PRTG: variants seen among roughly 807,000 people sequenced by gnomAD.
PRTG encodes immunoglobulin superfamily, DCC subclass, member 5.
In PRTG, 67 loss-of-function variants were observed where a neutral mutation model predicts 122.5. That is an observed-to-expected ratio of 0.55 (90% CI 0.45 to 0.67). The LOEUF is 0.67. PRTG is among the 30% of genes least tolerant of loss of function. The probability of loss-of-function intolerance (pLI) is 0.00; values close to 1 mark genes in which losing one functional copy is unlikely to be tolerated. For synonymous variants in PRTG, 554 were observed against 501.1 expected (o/e 1.11, Z -1.41); for missense variants, 1,435 against 1,415.4 (o/e 1.01, Z -0.22).
chr15:55,619,790 CA>C lies in PRTG; in HGVS notation c.*221del. 2 of 644,562 alleles carry C rather than the reference CA, an allele frequency of 3.1e-6. No homozygotes were observed. The highest frequency in any genetic ancestry group is 2.4e-6 in the Non-Finnish European group (1 of 409,496). 39.9% of individuals were successfully genotyped at this position (644,562 alleles called of 1,614,324 possible). A position where few individuals can be genotyped will look rare whatever the true frequency, so the allele number is the denominator to read the frequency against. Reference sequence around the variant, plus strand: ...CCCCATAAAGATATTAAGATTTTCACAAAAGGCTTTGGTTCCCTGTTCATTG... The same window carrying C: ...CCCCATAAAGATATTAAGATTTTCACAAAGGCTTTGGTTCCCTGTTCATTG... On this transcript the variant is annotated 3_prime_UTR_variant, in exon 20 of 20. Coordinates refer to ENST00000389286, the MANE Select transcript of PRTG (RefSeq NM_173814.6).
In PRTG at chr15:55,616,589, G is replaced by A. The variant is rs1173104269; in HGVS notation, c.*3423C>T. The A allele has an allele frequency of 6.6e-6, 1 of 152,104 alleles. No individual in the cohort carries two copies. The highest frequency in any genetic ancestry group is 1.5e-5 in the Non-Finnish European group (1 of 67,988). 9.4% of individuals were successfully genotyped at this position (152,104 alleles called of 1,614,324 possible). ...CACAGATTAAATGGAAAGTCCTCAT[G>A]CATGTTATTTGTATACAGACTGTGT... On this transcript the variant is annotated 3_prime_UTR_variant, in exon 20 of 20. Coordinates refer to ENST00000389286, the MANE Select transcript of PRTG (RefSeq NM_173814.6).
intron 2 of PRTG, among the ~76,000 whole-genome samples, chr15:55,702,714 T>A (rs2029938412): frequency 6.6e-6 from 1 of 152,158 alleles, no homozygotes; most frequent in Non-Finnish European, 1.5e-5. Flanking sequence ...TTCCTATTCT[T>A]CTACCTATGG....
intron 11 of PRTG, among the ~76,000 whole-genome samples, chr15:55,653,719 C>A (rs1677139951): frequency 6.6e-6 from 1 of 152,186 alleles, no homozygotes; most frequent in Admixed American, 6.5e-5. Context: ...CCGCCTTGGC[C>A]TCCCAAAGTG....
chr15:55,620,385 G>A, intron 19 of PRTG, 119 bp from the exon 20 acceptor site: 1 of 1,499,304 alleles, frequency 6.7e-7, no homozygotes, highest in Non-Finnish European at 8.8e-7. Flanking sequence ...GGCAAGCGAA[G>A]TGTCAAAAGC....
At chr15:55,671,896 A>G (rs540404588) in intron 11 of PRTG, among the ~76,000 whole-genome samples, 2 of 152,326 alleles carry the variant, frequency 1.3e-5, no homozygotes, top group South Asian at 2.1e-4. Flanking sequence ...TAGGGAATAA[A>G]ACAATGTCTT....
At chr15:55,737,242 T>C (rs1271286530) in intron 2 of PRTG, among the ~76,000 whole-genome samples, 1 of 152,238 alleles carries the variant, frequency 6.6e-6, no homozygotes, top group Non-Finnish European at 1.5e-5. Flanking sequence ...CCTCTTTCTA[T>C]TCCAATTACA....
chr15:55,741,432 T>C (rs1475132637), intron 1 of PRTG, among the ~76,000 whole-genome samples: 1 of 152,216 alleles, frequency 6.6e-6, no homozygotes, highest in Non-Finnish European at 1.5e-5. Context: ...CCTTACTGTC[T>C]AATAGGGATA....
In PRTG at chr15:55,673,566, G is replaced by A. The variant is rs751692913; in HGVS notation, c.1657C>T (p.Arg553Cys). The change falls in exon 10 of 20, where the codon CGC (arginine) becomes TGC (cysteine). Residue 553 changes from arginine to cysteine, a missense_variant. Transcript: ENST00000389286. Reference sequence around the variant, plus strand: ...TCAGTACTTAGGCGGAAAGACAAGCGATACAGCACCACTTGGCCCCGCCGA... The same window carrying A: ...TCAGTACTTAGGCGGAAAGACAAGCAATACAGCACCACTTGGCCCCGCCGA... ...KYRRGQVVLYRLSFRLSTENS... is the reference protein window; with the variant it reads ...KYRRGQVVLYCLSFRLSTENS... 9.3e-6 allele frequency: 15 copies of A among 1,614,042 alleles called. No individual in the cohort carries two copies. Among genetic ancestry groups the A allele is most frequent in the Non-Finnish European group, 1.2e-5 (14 of 1,180,036 alleles).
intron 6 of PRTG, chr15:55,679,656 C>T (rs1181204432): frequency 2.0e-6 from 1 of 493,484 alleles, no homozygotes; most frequent in Non-Finnish European, 3.6e-6. Flanking sequence ...TTCAGAGCAT[C>T]TATATAGACA....
chr15:55,646,321 A>C (rs1183203247), intron 11 of PRTG, among the ~76,000 whole-genome samples: 2 of 133,038 alleles, frequency 1.5e-5, no homozygotes, highest in Admixed American at 7.8e-5. Flanking sequence ...CTCACTCCTC[A>C]ATTCTCTTTT....
In PRTG at chr15:55,628,959, A is replaced by G; in HGVS notation, c.2669T>C (p.Val890Ala). The change falls in exon 16 of 20, where the codon GTG (valine) becomes GCG (alanine). Residue 890 changes from valine (V) to alanine (A), a missense_variant. Val to Ala is a moderately conservative substitution (Grantham distance 64). Transcript: ENST00000389286. The stretch of plus-strand genomic sequence containing the variant: ...GGATGCAGATATCTTGACAATGTAC[A>G]CATTTCCTGCTACCAAGTTTTCTAG... Reference protein sequence around the residue: ...ALLENLVAGNVYIVKISASNE... With the variant: ...ALLENLVAGNAYIVKISASNE... 4 of 1,612,862 alleles carry G rather than the reference A, an allele frequency of 2.5e-6. No individual in the cohort carries two copies. Among genetic ancestry groups the G allele is most frequent in the Non-Finnish European group, 3.4e-6 (4 of 1,179,210 alleles).
intron 11 of PRTG, among the ~76,000 whole-genome samples, chr15:55,665,082 C>T (rs1179521747): frequency 6.6e-6 from 1 of 151,684 alleles, no homozygotes; most frequent in African/African-American, 2.4e-5. Flanking sequence ...CACGGTGAAA[C>T]GTCATCTCCA....
chr15:55,625,712 C>T (rs554587901), intron 17 of PRTG, among the ~76,000 whole-genome samples: 7 of 151,786 alleles, frequency 4.6e-5, no homozygotes, highest in South Asian at 2.1e-4. Context: ...CAAGCTCCCC[C>T]TCCCGGGTTC....
chr15:55,742,851 G>T lies in PRTG; in HGVS notation c.81C>A (p.Leu27=). ...LLRALLLLLL[L]SPLPGVWCFS... ...AAGCGCGCCCACCTGGCAAAGGACT[G>T]AGCAGCAGCAGGAGCAGGAGCGCGC... The change falls in exon 1 of 20, where the codon CTC becomes CTA. Residue 27 remains leucine (L), a synonymous_variant. Coordinates refer to ENST00000389286, the MANE Select transcript of PRTG (RefSeq NM_173814.6). The T allele has an allele frequency of 6.5e-7, 1 of 1,540,582 alleles. No individual in the cohort carries two copies. Among genetic ancestry groups the T allele is most frequent in the South Asian group, 1.2e-5 (1 of 83,760 alleles).
At position 55,613,840 on chromosome 15, in the gene PRTG, G is replaced by A. The variant is rs1049100870; in HGVS notation, c.*6172C>T. The A allele has an allele frequency of 4.1e-5, 6 of 147,088 alleles. No individual in the cohort carries two copies. The highest frequency in any genetic ancestry group is 8.9e-5 in the Non-Finnish European group (6 of 67,234). The allele number at this position is 147,088 out of a possible 1,614,324, so 9.1% of individuals were successfully genotyped here. A position where few individuals can be genotyped will look rare whatever the true frequency, so the allele number is the denominator to read the frequency against. On this transcript the variant is annotated 3_prime_UTR_variant, in exon 20 of 20. Transcript: ENST00000389286. ...TCTGAGTAAGGATTAACTAACTAGG[G>A]TTTGTATCTTGCCTAAACCACTCAC...
chr15:55,645,549 G>T (rs926457058), intron 11 of PRTG, among the ~76,000 whole-genome samples: 2 of 150,758 alleles, frequency 1.3e-5, no homozygotes, highest in South Asian at 4.2e-4. Flanking sequence ...AACAGCTACA[G>T]AATTAACAGA....
chr15:55,637,981 C>T (rs1203501111), intron 14 of PRTG, among the ~76,000 whole-genome samples: 1 of 152,084 alleles, frequency 6.6e-6, no homozygotes. Flanking sequence ...CATAAATGTC[C>T]CTTACTTTCT....
chr15:55,698,816 T>C (rs956176924), intron 2 of PRTG, among the ~76,000 whole-genome samples: 3 of 150,100 alleles, frequency 2.0e-5, no homozygotes, highest in Non-Finnish European at 4.4e-5. Context: ...TCAGGACTCG[T>C]GAATCATGCT....
chr15:55,732,772 GC>G (rs1259178183), intron 2 of PRTG, among the ~76,000 whole-genome samples: 1 of 152,134 alleles, frequency 6.6e-6, no homozygotes, highest in African/African-American at 2.4e-5. Context: ...GGAATTACAG[GC>G]GTGAGCCACC....
Sources: gnomAD v4.1 joint callset for allele counts (sites outside exome capture counted in the v4.1 genomes callset) on GRCh38, gnomAD v4.1.1 for gene constraint, MANE v1.5 for transcripts, NCBI Gene and HGNC (gene_info 2026-07-23, HGNC 2026-07-21) for gene names.